The following BNC2 variants were observed in gnomAD, a reference collection of about 807,000 sequenced individuals.
The protein encoded by BNC2 is zinc finger protein basonuclin-2.
A neutral mutation model predicts 76.3 loss-of-function variants in BNC2; 20 were observed. That is an observed-to-expected ratio of 0.26 (90% confidence interval 0.18 to 0.38). The LOEUF (loss-of-function observed/expected upper bound fraction) is 0.38. BNC2 is among the 10% of genes least tolerant of loss of function. The probability of loss-of-function intolerance (pLI) is 1.00; values close to 1 mark genes in which losing one functional copy is unlikely to be tolerated. For synonymous variants in BNC2, 582 were observed against 514.8 expected (o/e 1.13, Z -1.77); for missense variants, 1,382 against 1,399.8 (o/e 0.99, Z 0.20).
chr9:16,767,384 T>C (rs1367165645), intron 1 of BNC2, among the ~76,000 whole-genome samples: 1 of 152,138 alleles, frequency 6.6e-6, no homozygotes, highest in Non-Finnish European at 1.5e-5. Context: ...AACAATTACA[T>C]ACAATGTGAA....
chr9:16,772,671 A>G (rs533575109), intron 1 of BNC2, among the ~76,000 whole-genome samples: 1 of 152,240 alleles, frequency 6.6e-6, no homozygotes, highest in African/African-American at 2.4e-5. Context: ...ATTTTTTTAA[A>G]GTTTATTATA....
chr9:16,681,759 A>C (rs1379877339), intron 3 of BNC2, among the ~76,000 whole-genome samples: 1 of 152,222 alleles, frequency 6.6e-6, no homozygotes, highest in Non-Finnish European at 1.5e-5. Context: ...TTTTTCAAAT[A>C]AACCGCAGGG....
intron 4 of BNC2, among the ~76,000 whole-genome samples, chr9:16,563,345 T>A (rs761916408): frequency 9.9e-5 from 15 of 152,102 alleles, no homozygotes; most frequent in Non-Finnish European, 2.1e-4. Flanking sequence ...AGGGCAGGAC[T>A]TGGTCGCTCA....
rs1284340001 is a variant in BNC2, at chr9:16,414,354, T to C, written c.*4635A>G. The C allele has an allele frequency of 6.6e-6, 1 of 152,238 alleles. No homozygotes were observed. The highest frequency in any genetic ancestry group is 1.5e-5 in the Non-Finnish European group (1 of 68,046). 9.4% of individuals were successfully genotyped at this position (152,238 alleles called of 1,614,324 possible). On this transcript the variant is annotated 3_prime_UTR_variant, in exon 7 of 7. Transcript: ENST00000380672. ...CTCTACTTAGTTCTGATGAAAACACTGTGATCCCTCCAGTCTTTCTGGTAT... is the reference window on the plus strand; with the variant it reads ...CTCTACTTAGTTCTGATGAAAACACCGTGATCCCTCCAGTCTTTCTGGTAT...
intron 5 of BNC2, among the ~76,000 whole-genome samples, chr9:16,507,055 A>T (rs917634832): frequency 6.6e-6 from 1 of 152,052 alleles, no homozygotes; most frequent in Non-Finnish European, 1.5e-5. Context: ...AGCCCAGCCT[A>T]CACTTCTCTA....
At chr9:16,554,032 G>A (rs915948891) in intron 4 of BNC2, among the ~76,000 whole-genome samples, 1 of 152,180 alleles carries the variant, frequency 6.6e-6, no homozygotes, top group Non-Finnish European at 1.5e-5. Flanking sequence ...TCATGAGTCA[G>A]GCAAATGGGT....
At chr9:16,475,969 T>A (rs1412414500) in intron 5 of BNC2, 1 of 152,228 alleles carries the variant, frequency 6.6e-6, no homozygotes, top group African/African-American at 2.4e-5. Flanking sequence ...TTTAATCAAA[T>A]GCACCATGTC....
At chr9:16,832,311 G>T in intron 1 of BNC2, 1 of 1,270,580 alleles carries the variant, frequency 7.9e-7, no homozygotes, top group African/African-American at 1.5e-5. Context: ...CAAGGGAAAA[G>T]AAGCCATGAA....
At chr9:16,796,059 C>T (rs1013198922) in intron 1 of BNC2, among the ~76,000 whole-genome samples, 1 of 152,116 alleles carries the variant, frequency 6.6e-6, no homozygotes, top group African/African-American at 2.4e-5. Flanking sequence ...TGGAGTGAAG[C>T]CCCAAACCCA....
chr9:16,810,775 T>C (rs1196217585), intron 1 of BNC2, among the ~76,000 whole-genome samples: 6 of 152,208 alleles, frequency 3.9e-5, no homozygotes, highest in African/African-American at 1.4e-4. Flanking sequence ...CCAGATACCC[T>C]ACCTCAGAGT....
chr9:16,825,054 T>TA (rs1818421547), intron 1 of BNC2, among the ~76,000 whole-genome samples: 1 of 151,658 alleles, frequency 6.6e-6, no homozygotes, highest in Non-Finnish European at 1.5e-5. Context: ...CTTTTTTTTT[T>TA]CTTTCTGTAA....
intron 5 of BNC2, among the ~76,000 whole-genome samples, chr9:16,437,834 T>C (rs1470027986): frequency 6.6e-6 from 1 of 152,200 alleles, no homozygotes; most frequent in East Asian, 1.9e-4. Context: ...CAATGATCTA[T>C]ATACTATGCA....
chr9:16,590,713 G>A (rs7030387), intron 3 of BNC2, among the ~76,000 whole-genome samples: 123,166 of 151,954 alleles, frequency 0.81, 51,993 homozygotes, highest in East Asian at 0.96. Context: ...AGGCTGAGGC[G>A]GGAAGACTGC....
At chr9:16,784,528 G>T (rs969734500) in intron 1 of BNC2, among the ~76,000 whole-genome samples, 3 of 152,176 alleles carry the variant, frequency 2.0e-5, no homozygotes, top group Non-Finnish European at 4.4e-5. Flanking sequence ...GTCAGAAAGA[G>T]ATGGAGGTAG....
chr9:16,482,309 G>C (rs1042912039), intron 5 of BNC2, among the ~76,000 whole-genome samples: 26 of 152,134 alleles, frequency 1.7e-4, no homozygotes, highest in African/African-American at 6.3e-4. Flanking sequence ...AGATTTAGCA[G>C]AATAATTTAA....
chr9:16,429,818 A>G (rs940018017), intron 6 of BNC2: 4 of 431,796 alleles, frequency 9.3e-6, no homozygotes, highest in African/African-American at 2.0e-5. Context: ...GACGGTGGAA[A>G]TGAGTGGTGC....
At chr9:16,843,134 T>C (rs76267904) in intron 1 of BNC2, among the ~76,000 whole-genome samples, 9 of 152,238 alleles carry the variant, frequency 5.9e-5, no homozygotes, top group East Asian at 5.8e-4. Context: ...ATTTGATAGA[T>C]AGATAATTGA....
At chr9:16,518,950 GT>G (rs1352823239) in intron 5 of BNC2, among the ~76,000 whole-genome samples, 1 of 152,174 alleles carries the variant, frequency 6.6e-6, no homozygotes, top group Non-Finnish European at 1.5e-5. Context: ...TTATCATATA[GT>G]TTGGTGAGTC....
intron 3 of BNC2, among the ~76,000 whole-genome samples, chr9:16,629,535 G>C (rs1821099209): frequency 6.6e-6 from 1 of 152,128 alleles, no homozygotes; most frequent in Admixed American, 6.6e-5. Context: ...CTTACAATTG[G>C]ATAAAGGCAG....
Sources: gnomAD v4.1 joint callset for allele counts (sites outside exome capture counted in the v4.1 genomes callset) on GRCh38, gnomAD v4.1.1 for gene constraint, MANE v1.5 for transcripts, NCBI Gene and HGNC (gene_info 2026-07-23, HGNC 2026-07-21) for gene names.